The following KAZN variants were observed in gnomAD, a reference collection of about 807,000 sequenced individuals.
KAZN encodes kazrin, periplakin interacting protein, also known as kazrin.
In KAZN, 40 loss-of-function variants were observed where a neutral mutation model predicts 87.4. The observed-to-expected ratio is 0.46, with a 90% CI of 0.36 to 0.60. The LOEUF (loss-of-function observed/expected upper bound fraction) is 0.60, where lower values mean the gene tolerates loss of function less well. KAZN is among the 20% of genes least tolerant of loss of function. The probability of loss-of-function intolerance (pLI) is 0.00; values close to 1 mark genes in which losing one functional copy is unlikely to be tolerated. For synonymous variants in KAZN, 466 were observed against 458.3 expected, an observed-to-expected ratio of 1.02 and a Z score of -0.22; for missense variants, 898 against 1,073.9, an observed-to-expected ratio of 0.84 and a Z score of 2.29.
intron 2 of KAZN, among the ~76,000 whole-genome samples, chr1:14,300,222 G>A (rs1174333496): frequency 6.6e-6 from 1 of 151,928 alleles, no homozygotes; most frequent in East Asian, 1.9e-4. Context: ...GTTAGCATTT[G>A]GGGCTTTATT....
chr1:14,897,451 A>G (rs1655395758), intron 1 of KAZN, among the ~76,000 whole-genome samples: 1 of 152,234 alleles, frequency 6.6e-6, no homozygotes, highest in Admixed American at 6.5e-5. Flanking sequence ...AAAATTAGAG[A>G]GGACCCCAAT....
intron 14 of KAZN, 52 bp downstream of exon 14, chr1:15,112,593 T>TTTTTTTTCTTCTCCCAGCGGCAGGTCC: frequency 1.6e-6 from 2 of 1,259,290 alleles, no homozygotes; most frequent in Non-Finnish European, 2.3e-6. Flanking sequence ...GGGAAAGGTC[T>TTTTTTTTCTTCTCCCAGCGGCAGGTCC]TTTTTTCTCC....
chr1:15,023,129 C>T (rs1670853261), intron 2 of KAZN, among the ~76,000 whole-genome samples: 1 of 152,168 alleles, frequency 6.6e-6, no homozygotes, highest in African/African-American at 2.4e-5. Flanking sequence ...CCTGTAGGGC[C>T]GGGTAGTGGA....
intron 2 of KAZN, among the ~76,000 whole-genome samples, chr1:14,387,002 C>T (rs891355205): frequency 4.6e-5 from 7 of 152,156 alleles, no homozygotes; most frequent in African/African-American, 1.7e-4. Flanking sequence ...TCTTGGGAGG[C>T]TTTGCTCGTT....
At chr1:15,044,634 C>T (rs552438029) in intron 4 of KAZN, among the ~76,000 whole-genome samples, 43 of 151,286 alleles carry the variant, frequency 2.8e-4, no homozygotes, top group African/African-American at 1.0e-3. Flanking sequence ...CCAACTAGAC[C>T]GGTGGCTGAG....
At position 15,090,643 on chromosome 1, in the gene KAZN, G is replaced by T. The variant is rs532098531; in HGVS notation, c.1223-3537G>T. On this transcript the variant is annotated intron_variant, in intron 8 of 14. Coordinates refer to ENST00000376030, the MANE Select transcript of KAZN (RefSeq NM_201628.3). ...CACTCAGACGGGTGACCTGCACAGA[G>T]CTCTCTGCAACCTCTGCCATTTCCT... Among the ~76,000 whole-genome samples, 96 of 152,372 alleles carry T rather than the reference G, an allele frequency of 6.3e-4. 1 individual carries two copies. The highest frequency in any genetic ancestry group is 1.9e-3 in the African/African-American group (80 of 41,588).
intron 1 of KAZN, among the ~76,000 whole-genome samples, chr1:14,762,668 T>A (rs770617544): frequency 6.6e-6 from 1 of 150,980 alleles, no homozygotes; most frequent in African/African-American, 2.4e-5. Context: ...GAGCTGGCAG[T>A]GAGCTGAGAT....
intron 1 of KAZN, chr1:14,124,194 G>T (rs540581401): frequency 6.6e-6 from 1 of 152,318 alleles, no homozygotes; most frequent in East Asian, 1.9e-4. Context: ...TTTCCTTGGA[G>T]CAAGTTCACT....
intron 1 of KAZN, among the ~76,000 whole-genome samples, chr1:14,701,092 G>C (rs1425038369): frequency 6.6e-6 from 1 of 152,196 alleles, no homozygotes; most frequent in Non-Finnish European, 1.5e-5. Flanking sequence ...TTAGTGATGA[G>C]TGTATAATGT....
intron 1 of KAZN, among the ~76,000 whole-genome samples, chr1:14,783,272 A>C (rs1361640242): frequency 6.6e-6 from 1 of 152,142 alleles, no homozygotes; most frequent in African/African-American, 2.4e-5. Context: ...GTCATGCAGG[A>C]ATTCATCCTA....
intron 2 of KAZN, among the ~76,000 whole-genome samples, chr1:15,002,170 G>A (rs931379664): frequency 1.8e-4 from 28 of 152,220 alleles, no homozygotes; most frequent in Admixed American, 9.8e-4. Context: ...GTGAGCCACC[G>A]TGCCTGGCCG....
rs113713039 is a variant in KAZN, at chr1:14,264,087, G to A, written c.249+83495G>A. Among the ~76,000 whole-genome samples, 511 of 152,302 alleles carry A rather than the reference G, an allele frequency of 3.4e-3. 2 individuals are homozygous for A. Among genetic ancestry groups the A allele is most frequent in the African/African-American group, 0.012 (478 of 41,554 alleles). On this transcript the variant is annotated intron_variant, in intron 2 of 16. Transcript: ENST00000636203. The stretch of plus-strand genomic sequence containing the variant: ...ACACTTGTTATCTTACAGTTCTGTA[G>A]GTCTGAAATCAGGGTACAGTGTGAG...
intron 1 of KAZN, among the ~76,000 whole-genome samples, chr1:14,153,713 G>A (rs759754989): frequency 2.6e-5 from 4 of 151,688 alleles, no homozygotes; most frequent in Non-Finnish European, 5.9e-5. Context: ...GGGAGGCGGA[G>A]GTTGCAGTGA....
chr1:14,321,599 C>T (rs1199477704), intron 2 of KAZN, among the ~76,000 whole-genome samples: 1 of 152,112 alleles, frequency 6.6e-6, no homozygotes, highest in African/African-American at 2.4e-5. Context: ...GCTGTGCAGT[C>T]AGTTATTTGC....
At chr1:14,200,554 G>A (rs1451849062) in intron 2 of KAZN, among the ~76,000 whole-genome samples, 1 of 152,088 alleles carries the variant, frequency 6.6e-6, no homozygotes, top group Non-Finnish European at 1.5e-5. Context: ...AGCCCAGTTT[G>A]TTTCTGCATA....
chr1:14,760,835 C>A (rs1156929937), intron 1 of KAZN, among the ~76,000 whole-genome samples: 1 of 152,144 alleles, frequency 6.6e-6, no homozygotes, highest in Non-Finnish European at 1.5e-5. Flanking sequence ...GCTTAGCAAA[C>A]TTTTTTCTAT....
intron 1 of KAZN, among the ~76,000 whole-genome samples, chr1:14,713,797 A>AGAAGG (rs58621160): frequency 1.0e-5 from 1 of 95,646 alleles, no homozygotes; most frequent in African/African-American, 4.2e-5. Flanking sequence ...AAAAAAAAAA[A>AGAAGG]AAAGAAAGAA....
chr1:14,077,814 A>T (rs954153827), intron 1 of KAZN, among the ~76,000 whole-genome samples: 1 of 151,998 alleles, frequency 6.6e-6, no homozygotes, highest in African/African-American at 2.4e-5. Context: ...GAGAGAAGAC[A>T]CACCAAGACC....
chr1:14,723,473 C>T (rs894311285), intron 1 of KAZN, among the ~76,000 whole-genome samples: 1 of 152,176 alleles, frequency 6.6e-6, no homozygotes, highest in Non-Finnish European at 1.5e-5. Context: ...GTGGCCTCAT[C>T]GAGACTCATG....
Sources: allele counts gnomAD v4.1 joint callset (sites outside exome capture counted in the v4.1 genomes callset), GRCh38; gene constraint gnomAD v4.1.1; transcripts MANE v1.5; gene names NCBI Gene and HGNC (gene_info 2026-07-23, HGNC 2026-07-21).